ANKS1B: variants seen among roughly 807,000 people sequenced by gnomAD.
The protein encoded by ANKS1B is ankyrin repeat and sterile alpha motif domain containing 1B, also known as ankyrin repeat and sterile alpha motif domain-containing protein 1B.
A neutral mutation model predicts 148.3 loss-of-function variants in ANKS1B; 36 were observed. That is an observed-to-expected ratio of 0.24 (90% CI 0.19 to 0.32). The LOEUF (loss-of-function observed/expected upper bound fraction) is 0.32, where lower values mean the gene tolerates loss of function less well. Among genes scored for constraint, ANKS1B ranks in the 10% least tolerant of loss-of-function variants. The probability of loss-of-function intolerance (pLI) is 1.00; values close to 1 mark genes in which losing one functional copy is unlikely to be tolerated. For missense variants in ANKS1B, 1,157 were observed against 1,542.6 expected, an observed-to-expected ratio of 0.75 and a Z score of 4.19; for synonymous variants, 542 against 560.8, an observed-to-expected ratio of 0.97 and a Z score of 0.47.
At chr12:99,109,285 C>A (rs571530651) in intron 15 of ANKS1B, among the ~76,000 whole-genome samples, 1 of 152,294 alleles carries the variant, frequency 6.6e-6, no homozygotes, top group East Asian at 1.9e-4. Flanking sequence ...CTATTGTGGG[C>A]TTAGCTGGCT....
At chr12:99,543,358 A>G (rs1233624624) in intron 9 of ANKS1B, among the ~76,000 whole-genome samples, 2 of 152,146 alleles carry the variant, frequency 1.3e-5, no homozygotes, top group South Asian at 2.1e-4. Context: ...TGGAACCTTC[A>G]TACATTGCTG....
intron 19 of ANKS1B, among the ~76,000 whole-genome samples, chr12:98,822,322 A>AGGAGAG (rs1352085971): frequency 6.6e-6 from 1 of 152,256 alleles, no homozygotes; most frequent in African/African-American, 2.4e-5. Flanking sequence ...GAGAAGGAGA[A>AGGAGAG]TAAGAACCAG....
chr12:99,023,141 C>G (rs1436559009), intron 17 of ANKS1B, among the ~76,000 whole-genome samples: 1 of 152,056 alleles, frequency 6.6e-6, no homozygotes, highest in Non-Finnish European at 1.5e-5. Context: ...CCAATGTTTG[C>G]TATACTGCTT....
chr12:99,269,736 T>G (rs1222529571), intron 12 of ANKS1B, among the ~76,000 whole-genome samples: 1 of 152,078 alleles, frequency 6.6e-6, no homozygotes, highest in African/African-American at 2.4e-5. Context: ...TTTTTTGTAT[T>G]TTTTAGTAGA....
At chr12:98,834,700 T>C (rs902660474) in intron 17 of ANKS1B, among the ~76,000 whole-genome samples, 1 of 152,212 alleles carries the variant, frequency 6.6e-6, no homozygotes, top group Non-Finnish European at 1.5e-5. Context: ...AATTTCACTA[T>C]GTATTCCTTT....
At chr12:99,435,536 T>TA (rs1414605283) in intron 11 of ANKS1B, among the ~76,000 whole-genome samples, 1 of 152,028 alleles carries the variant, frequency 6.6e-6, no homozygotes, top group East Asian at 1.9e-4. Flanking sequence ...ATCACCATTA[T>TA]AATAACAAGT....
intron 1 of ANKS1B, among the ~76,000 whole-genome samples, chr12:99,837,493 T>C (rs546001322): frequency 1.2e-4 from 18 of 152,280 alleles, no homozygotes; most frequent in African/African-American, 4.1e-4. Flanking sequence ...GAACAAAACA[T>C]TGACTGCGGA....
chr12:98,794,519 C>A lies in ANKS1B; in HGVS notation c.3342+4415G>T, dbSNP rs2098929680. The A allele has an allele frequency of 9.9e-6, 6 of 603,874 alleles. No homozygotes were observed. In the South Asian group the frequency reaches 1.0e-4, roughly 10 times the overall value. The allele number at this position is 603,874 out of a possible 1,614,324, so 37.4% of individuals were successfully genotyped here. On this transcript the variant is annotated intron_variant, in intron 22 of 26. Transcript: ENST00000683438. ...AAGAAGTGTTATTTCTGTCTGGGGC[C>A]CATCCACCCTGGCCATGGCAAGATG...
chr12:99,326,872 C>A (rs2086403362), intron 12 of ANKS1B, among the ~76,000 whole-genome samples: 11 of 150,086 alleles, frequency 7.3e-5, no homozygotes, highest in Admixed American at 6.7e-4. Flanking sequence ...CAATTTTCCA[C>A]ATGAAAACTA....
At chr12:98,871,673 G>A (rs2099669752) in intron 17 of ANKS1B, among the ~76,000 whole-genome samples, 1 of 151,936 alleles carries the variant, frequency 6.6e-6, no homozygotes, top group Non-Finnish European at 1.5e-5. Context: ...TCAAGAAGCA[G>A]TTACACATTT....
chr12:99,142,354 C>T (rs1366226549), intron 15 of ANKS1B, among the ~76,000 whole-genome samples: 1 of 151,906 alleles, frequency 6.6e-6, no homozygotes, highest in Non-Finnish European at 1.5e-5. Context: ...ATGACAGAGG[C>T]TGATGGTATT....
At chr12:98,930,055 T>C (rs2099812390) in intron 17 of ANKS1B, among the ~76,000 whole-genome samples, 1 of 152,134 alleles carries the variant, frequency 6.6e-6, no homozygotes, top group Non-Finnish European at 1.5e-5. Context: ...GGGTTTTCTA[T>C]TCCAGGTATA....
intron 17 of ANKS1B, among the ~76,000 whole-genome samples, chr12:98,945,559 A>G (rs1021771928): frequency 6.6e-6 from 1 of 151,442 alleles, no homozygotes; most frequent in African/African-American, 2.4e-5. Flanking sequence ...GGAAATAAGT[A>G]ACAGAACTAG....
intron 10 of ANKS1B, among the ~76,000 whole-genome samples, chr12:99,495,380 T>TGTGTGTGTGTGTGTGTG (rs1555458167): frequency 1.3e-5 from 2 of 148,806 alleles, no homozygotes; most frequent in African/African-American, 5.0e-5. Flanking sequence ...TGTGTGTGTG[T>TGTGTGTGTGTGTGTGTG]AGTTTATAAT....
chr12:99,457,204 C>A (rs139068219), intron 10 of ANKS1B, among the ~76,000 whole-genome samples: 1 of 151,828 alleles, frequency 6.6e-6, no homozygotes, highest in Non-Finnish European at 1.5e-5. Context: ...GAAAAATAAA[C>A]GCTGAATTTG....
intron 17 of ANKS1B, among the ~76,000 whole-genome samples, chr12:98,888,152 C>T (rs1229980102): frequency 1.3e-5 from 2 of 152,094 alleles, no homozygotes; most frequent in Non-Finnish European, 2.9e-5. Flanking sequence ...GATCATATAA[C>T]AAATATTTCA....
intron 9 of ANKS1B, among the ~76,000 whole-genome samples, chr12:99,596,289 T>C (rs1229403203): frequency 6.6e-6 from 1 of 151,880 alleles, no homozygotes; most frequent in African/African-American, 2.4e-5. Context: ...AATCTTCTCA[T>C]GGTATCATCA....
intron 8 of ANKS1B, among the ~76,000 whole-genome samples, chr12:99,724,054 A>AC (rs2058373391): frequency 6.7e-6 from 1 of 150,324 alleles, no homozygotes; most frequent in African/African-American, 2.4e-5. Context: ...AGGATCAACA[A>AC]AAAAAAAAAC....
In ANKS1B at chr12:99,399,698, A is replaced by T; in HGVS notation, c.1689T>A (p.Pro563=). ...STGCTSFTAS[P]PASPPTSSVG... is the part of the protein sequence containing the mutation. Reference sequence around the variant, plus strand: ...CAGAAGAGGTGGGTGGACTAGCAGGAGGACTGGCAGTAAAGCTTGTGCACC... The same window carrying T: ...CAGAAGAGGTGGGTGGACTAGCAGGTGGACTGGCAGTAAAGCTTGTGCACC... The change falls in exon 12 of 27, where the codon CCT becomes CCA. Residue 563 remains proline, a synonymous_variant. Coordinates refer to ENST00000683438, the MANE Select transcript of ANKS1B (RefSeq NM_001352186.2). 1 of 1,613,574 alleles carries T rather than the reference A, an allele frequency of 6.2e-7. No individual in the cohort carries two copies.
Sources: allele counts gnomAD v4.1 joint callset (sites outside exome capture counted in the v4.1 genomes callset), GRCh38; gene constraint gnomAD v4.1.1; transcripts MANE v1.5; gene names NCBI Gene and HGNC (gene_info 2026-07-23, HGNC 2026-07-21).